Variants in HAPSTR1 observed in about 807,000 individuals in gnomAD.
HAPSTR1 encodes the protein HUWE1-associated protein modifying stress responses 1.
the HAPSTR1 span, among the ~76,000 whole-genome samples, chr16:9,094,116 C>T: frequency 1.3e-5 from 2 of 151,992 alleles, no homozygotes. Context: ...AAAAATATCT[C>T]CTTGTGAGAT....
the HAPSTR1 span, chr16:9,121,103 C>T: frequency 2.0e-5 from 3 of 152,150 alleles, no homozygotes; most frequent in African/African-American, 7.2e-5. Flanking sequence ...GTGTGCGCCA[C>T]CACGCCCAGC....
the HAPSTR1 span, chr16:9,103,384 G>C: frequency 9.9e-7 from 1 of 1,014,176 alleles, no homozygotes; most frequent in Non-Finnish European, 1.4e-6. Flanking sequence ...GCTTGCTCTA[G>C]AAATGTTTAA....
At chr16:9,113,535 A>G in the HAPSTR1 span, among the ~76,000 whole-genome samples, 2 of 152,192 alleles carry the variant, frequency 1.3e-5, no homozygotes, top group African/African-American at 4.8e-5. Context: ...ACGTGCTGCC[A>G]TGAGACTCCT....
the HAPSTR1 span, among the ~76,000 whole-genome samples, chr16:9,097,764 C>T: frequency 9.6e-4 from 146 of 152,292 alleles, no homozygotes; most frequent in Middle Eastern, 3.4e-3. Context: ...GCTTGTGGCT[C>T]ACATCTTAGA....
At chr16:9,117,472 G>C in the HAPSTR1 span, 1 of 154,088 alleles carries the variant, frequency 6.5e-6, no homozygotes. Flanking sequence ...TAATTCTGGT[G>C]ATTGTGTGAT....
At chr16:9,103,333 G>A in the HAPSTR1 span, 1 of 1,482,910 alleles carries the variant, frequency 6.7e-7, no homozygotes, top group Middle Eastern at 1.8e-4. Context: ...TCACGGTTAG[G>A]TTTAGGTCCA....
chr16:9,105,690 A>G, the HAPSTR1 span: 2 of 152,362 alleles, frequency 1.3e-5, no homozygotes, highest in African/African-American at 4.8e-5. Flanking sequence ...TCACTCTTGC[A>G]TATTATTTGC....
the HAPSTR1 span, chr16:9,113,082 T>C: frequency 6.6e-5 from 10 of 151,704 alleles, no homozygotes; most frequent in Non-Finnish European, 1.2e-4. Context: ...TCTGTACTTG[T>C]ATAGGTCTGA....
chr16:9,092,059 G>A, the HAPSTR1 span: 2 of 1,525,648 alleles, frequency 1.3e-6, no homozygotes, highest in Non-Finnish European at 1.8e-6. Context: ...AGGAGCGGAA[G>A]GAGGAGGGCG....
At chr16:9,103,238 C>T in the HAPSTR1 span, 4 of 1,613,944 alleles carry the variant, frequency 2.5e-6, no homozygotes, top group South Asian at 1.1e-5. Context: ...GCAACCCTTC[C>T]GGGAAGCCAT....
the HAPSTR1 span, among the ~76,000 whole-genome samples, chr16:9,096,953 T>G: frequency 6.6e-6 from 1 of 152,188 alleles, no homozygotes; most frequent in Non-Finnish European, 1.5e-5. Flanking sequence ...TTTTTTTTCC[T>G]TTTTTGGAGA....
the HAPSTR1 span, chr16:9,105,245 A>T: frequency 6.6e-6 from 1 of 152,248 alleles, no homozygotes; most frequent in Non-Finnish European, 1.5e-5. Context: ...AAACTTAAAT[A>T]TAAGGCTTTG....
the HAPSTR1 span, chr16:9,091,838 G>T: frequency 2.5e-6 from 1 of 399,240 alleles, no homozygotes; most frequent in Non-Finnish European, 4.3e-6. Flanking sequence ...GGGAAGGCCT[G>T]GGGCGGGGGT....
the HAPSTR1 span, among the ~76,000 whole-genome samples, chr16:9,101,591 C>T: frequency 1.3e-5 from 2 of 152,084 alleles, no homozygotes; most frequent in African/African-American, 4.8e-5. Flanking sequence ...GATCTGTGGA[C>T]AATATCCTTG....
the HAPSTR1 span, among the ~76,000 whole-genome samples, chr16:9,094,973 T>C: frequency 6.6e-6 from 1 of 152,262 alleles, no homozygotes; most frequent in Non-Finnish European, 1.5e-5. Context: ...GAAATAATCC[T>C]TAATTTGATT....
At chr16:9,097,771 T>TA in the HAPSTR1 span, among the ~76,000 whole-genome samples, 1 of 152,204 alleles carries the variant, frequency 6.6e-6, no homozygotes, top group African/African-American at 2.4e-5. Flanking sequence ...GCTCACATCT[T>TA]AGAGCCACTC....
At chr16:9,117,075 T>C in the HAPSTR1 span, 1 of 952,238 alleles carries the variant, frequency 1.1e-6, no homozygotes. Context: ...GTATTTATAG[T>C]AGATGCCTCT....
At chr16:9,101,714 G>C in the HAPSTR1 span, among the ~76,000 whole-genome samples, 2 of 149,454 alleles carry the variant, frequency 1.3e-5, no homozygotes, top group African/African-American at 4.9e-5. Flanking sequence ...TGCAAATTCA[G>C]CTTGGCATCC....
At chr16:9,116,316 G>C in the HAPSTR1 span, among the ~76,000 whole-genome samples, 3 of 152,262 alleles carry the variant, frequency 2.0e-5, no homozygotes, top group South Asian at 6.2e-4. Flanking sequence ...AAAATGTCTT[G>C]TCTTTAAAGC....
Sources: gnomAD v4.1 joint callset for allele counts (sites outside exome capture counted in the v4.1 genomes callset) on GRCh38, gnomAD v4.1.1 for gene constraint, MANE v1.5 for transcripts, NCBI Gene and HGNC (gene_info 2026-07-23, HGNC 2026-07-21) for gene names.